RASEF: variants seen among roughly 807,000 people sequenced by gnomAD.
RASEF encodes ras and EF-hand domain-containing protein.
Under a neutral mutation model 90.1 loss-of-function variants are expected in RASEF, and 68 were observed. The ratio of observed to expected loss-of-function variants is 0.75; its 90% CI spans 0.62 to 0.92. The LOEUF (loss-of-function observed/expected upper bound fraction) is 0.92. Among genes scored for constraint, RASEF ranks in the 40% least tolerant of loss-of-function variants. The pLI, the probability that RASEF is intolerant of heterozygous loss-of-function variation, is 0.00. For synonymous variants in RASEF, 331 were observed against 345.2 expected, an observed-to-expected ratio of 0.96 and a Z score of 0.46; for missense variants, 949 against 937.2, an observed-to-expected ratio of 1.01 and a Z score of -0.16.
At chr9:83,111,554 T>C in the RASEF span, among the ~76,000 whole-genome samples, 1 of 152,170 alleles carries the variant, frequency 6.6e-6, no homozygotes, top group Non-Finnish European at 1.5e-5. Flanking sequence ...ATGAGCTTGA[T>C]TGTGGTAATT....
intron 3 of RASEF, 66 bp downstream of exon 3, chr9:83,022,270 T>G: frequency 1.7e-6 from 2 of 1,165,136 alleles, no homozygotes; most frequent in Non-Finnish European, 2.6e-6. Flanking sequence ...GAAGAGTGCC[T>G]GGGCCCTCTC....
chr9:83,099,466 C>T, the RASEF span, among the ~76,000 whole-genome samples: 2,620 of 152,250 alleles, frequency 0.017, 73 homozygotes, highest in African/African-American at 0.06. Context: ...CTCAGGTGAT[C>T]CACCCTTTAA....
the RASEF span, among the ~76,000 whole-genome samples, chr9:83,111,352 G>GA: frequency 7.0e-3 from 1,059 of 152,200 alleles, 18 homozygotes; most frequent in African/African-American, 0.025. Flanking sequence ...TGAGAGAGTG[G>GA]AAAAAATGGA....
the RASEF span, among the ~76,000 whole-genome samples, chr9:83,068,815 A>C: frequency 6.6e-6 from 1 of 152,216 alleles, no homozygotes; most frequent in Non-Finnish European, 1.5e-5. Flanking sequence ...AAGAAGAAAA[A>C]AACGGGGAAG....
rs373103397 is a variant in RASEF at position 83,000,938 on chromosome 9, G to C, written c.1395C>G (p.His465Gln). 12 of 1,614,104 alleles carry C rather than the reference G, an allele frequency of 7.4e-6. No individual in the cohort carries two copies. The highest frequency in any genetic ancestry group is 6.6e-5 in the South Asian group (6 of 91,080). Residue 465 changes from histidine to glutamine, a missense_variant, in exon 10 of 17, where the codon CAC (histidine) becomes CAG (glutamine). His to Gln is a conservative substitution (Grantham distance 24). Coordinates refer to ENST00000376447, the MANE Select transcript of RASEF (RefSeq NM_152573.4). ...CACCTCCAAAGCTCTCCTGCACCCCGTGTGACCTCTGAAATCCCCTCTGGT... is the reference window on the plus strand; with the variant it reads ...CACCTCCAAAGCTCTCCTGCACCCCCTGTGACCTCTGAAATCCCCTCTGGT... Reference protein sequence around the residue: ...YKHQRGFQRSHGVQESFGGDA... With the variant: ...YKHQRGFQRSQGVQESFGGDA...
At chr9:83,070,310 G>T in the RASEF span, among the ~76,000 whole-genome samples, 1,038 of 152,140 alleles carry the variant, frequency 6.8e-3, 11 homozygotes, top group Middle Eastern at 0.01. Context: ...TGTATTAAAT[G>T]AATAAAAAGT....
chr9:83,041,432 T>C (rs1228837939), intron 1 of RASEF, among the ~76,000 whole-genome samples: 1 of 152,252 alleles, frequency 6.6e-6, no homozygotes, highest in Non-Finnish European at 1.5e-5. Context: ...GTCTGTTTTA[T>C]GAAAACATAC....
At chr9:83,040,031 T>C (rs1829809788) in intron 1 of RASEF, among the ~76,000 whole-genome samples, 1 of 152,238 alleles carries the variant, frequency 6.6e-6, no homozygotes, top group African/African-American at 2.4e-5. Flanking sequence ...TGAATAAGTC[T>C]CATGAGATCT....
chr9:83,180,126 C>T, the RASEF span, among the ~76,000 whole-genome samples: 1 of 152,190 alleles, frequency 6.6e-6, no homozygotes, highest in South Asian at 2.1e-4. Flanking sequence ...TGTTAATATA[C>T]CATATGCAGT....
Position 83,062,803 on chromosome 9 carries a change from G to A in RASEF, c.65C>T (p.Ala22Val), listed in dbSNP as rs760201196. The change falls in exon 1 of 17, where the codon GCG becomes GTG. Residue 22 changes from alanine to valine, a missense_variant. This residue lies in a region of RASEF where 656 missense variants were observed against 592.2 expected (regional missense o/e 1.11). Transcript: ENST00000376447. Reference protein sequence around the residue: ...RLRSVFAACDANRSGRLEREE... With the variant: ...RLRSVFAACDVNRSGRLEREE... ...GCGCTCCAGGCGCCCCGAGCGGTTC[G>A]CGTCGCAGGCGGCGAAGACTGAGCG... 9.6e-6 allele frequency: 15 copies of A among 1,556,354 alleles called. No homozygotes were observed. The highest frequency in any genetic ancestry group is 1.8e-5 in the Admixed American group (1 of 55,594).
the RASEF span, among the ~76,000 whole-genome samples, chr9:83,092,206 A>T: frequency 0.56 from 84,040 of 151,230 alleles, 23,815 homozygotes; most frequent in East Asian, 0.78. Flanking sequence ...GCTTCAGTTA[A>T]CATGAAAATC....
chr9:83,193,063 G>C, the RASEF span, among the ~76,000 whole-genome samples: 9,620 of 152,284 alleles, frequency 0.063, 380 homozygotes, highest in South Asian at 0.15. Flanking sequence ...ATGTTTGCAT[G>C]CAGAATTGTT....
intron 3 of RASEF, 108 bp downstream of exon 3, chr9:83,022,228 C>A: frequency 1.2e-6 from 1 of 815,480 alleles, no homozygotes; most frequent in Non-Finnish European, 2.1e-6. Context: ...TCTGCAGAAA[C>A]CTGGACTTGC....
At chr9:83,087,275 A>G in the RASEF span, among the ~76,000 whole-genome samples, 2 of 152,144 alleles carry the variant, frequency 1.3e-5, no homozygotes, top group Non-Finnish European at 2.9e-5. Context: ...GTGTGATGGT[A>G]TTTGGAGTTG....
At chr9:83,071,544 C>G in the RASEF span, among the ~76,000 whole-genome samples, 14 of 152,034 alleles carry the variant, frequency 9.2e-5, no homozygotes, top group Non-Finnish European at 1.2e-4. Flanking sequence ...TAGCTGGAAC[C>G]ACAGGCGCAC....
chr9:83,128,115 AATTATGAAGCATCT>A, the RASEF span, among the ~76,000 whole-genome samples: 2 of 149,762 alleles, frequency 1.3e-5, no homozygotes, highest in Non-Finnish European at 3.0e-5. Flanking sequence ...ATACTGCTTG[AATTATGAAGCATCT>A]TAGCAATTCT....
At chr9:83,072,330 C>T in the RASEF span, among the ~76,000 whole-genome samples, 127 of 152,308 alleles carry the variant, frequency 8.3e-4, 1 homozygote, top group African/African-American at 3.0e-3. Context: ...ATACTTCCTG[C>T]ACGCTGTTTC....
Position 83,001,115 on chromosome 9 carries a change from G to C in RASEF, c.1218C>G (p.Ser406=). The C allele has an allele frequency of 6.2e-7, 1 of 1,612,788 alleles. No homozygotes were observed. Among genetic ancestry groups the C allele is most frequent in the Non-Finnish European group, 8.5e-7 (1 of 1,178,880 alleles). Residue 406 remains serine, a synonymous_variant, in exon 10 of 17, where the codon TCC becomes TCG. Transcript: ENST00000376447. ...GGGAGTCACAGTCCTCATCCACATA[G>C]GAAGAGCGGGATGACCTGGTAATAA... ...PLGYDRSSRS[S]YVDEDCDSLA... is the part of the protein sequence containing the mutation.
intron 1 of RASEF, among the ~76,000 whole-genome samples, chr9:83,047,091 T>C (rs1328098630): frequency 6.6e-6 from 1 of 152,078 alleles, no homozygotes; most frequent in East Asian, 1.9e-4. Context: ...ATTTTAAAAA[T>C]TGAAATTGAA....
Sources: allele counts gnomAD v4.1 joint callset (sites outside exome capture counted in the v4.1 genomes callset), GRCh38; gene constraint gnomAD v4.1.1; regional missense constraint gnomAD v4.1.1; transcripts MANE v1.5; gene names NCBI Gene and HGNC (gene_info 2026-07-23, HGNC 2026-07-21).